The following THSD7A variants were observed in gnomAD, a reference collection of about 807,000 sequenced individuals.
THSD7A encodes the protein thrombospondin type 1 domain containing 7A.
THSD7A carries 96 observed loss-of-function variants against 231.3 expected under a neutral mutation model. That is an observed-to-expected ratio of 0.41 (90% confidence interval 0.35 to 0.49). The LOEUF (loss-of-function observed/expected upper bound fraction) is 0.49, where lower values mean the gene tolerates loss of function less well. Ranked by LOEUF, THSD7A falls within the 20% of genes least tolerant of loss-of-function variation. THSD7A has a pLI of 0.05. For missense variants in THSD7A, 2,290 were observed against 2,070.2 expected (o/e 1.11, Z -2.06); for synonymous variants, 940 against 743.3 (o/e 1.26, Z -4.30).
intron 18 of THSD7A, 102 bp downstream of exon 18, chr7:11,412,554 A>G (rs1783821019): frequency 1.5e-6 from 2 of 1,374,850 alleles, no homozygotes; most frequent in African/African-American, 1.4e-5. Flanking sequence ...AGCATATCCA[A>G]AAGGCACACA....
At chr7:11,568,617 T>C in intron 4 of THSD7A, among the ~76,000 whole-genome samples, 1 of 67,880 alleles carries the variant, frequency 1.5e-5, no homozygotes, top group African/African-American at 6.2e-5. Flanking sequence ...AGAGTGAAAC[T>C]CCGTCTCAAA....
intron 2 of THSD7A, among the ~76,000 whole-genome samples, chr7:11,631,841 C>G (rs1781666388): frequency 6.6e-6 from 1 of 152,104 alleles, no homozygotes; most frequent in Non-Finnish European, 1.5e-5. Context: ...GTCTGTTGGG[C>G]CTGGTGCAGG....
chr7:11,525,283 C>G (rs1217074070), intron 6 of THSD7A, among the ~76,000 whole-genome samples: 6 of 151,914 alleles, frequency 3.9e-5, no homozygotes, highest in African/African-American at 1.5e-4. Context: ...ATTCACCCTG[C>G]CAAGAAATAT....
chr7:11,513,727 C>G (rs989097727), intron 6 of THSD7A, among the ~76,000 whole-genome samples: 2 of 151,980 alleles, frequency 1.3e-5, no homozygotes, highest in African/African-American at 4.8e-5. Flanking sequence ...AGTGGTTGCA[C>G]AACATTATGG....
rs143078085 is a variant in THSD7A at position 11,675,029 on chromosome 7, C to T, written c.191-38068G>A. Reference sequence around the variant, plus strand: ...TCTGCTGCTCCCAGAGAGACCAACACGGAAGGTGGGTGATTTCTGCATTTC... The same window carrying T: ...TCTGCTGCTCCCAGAGAGACCAACATGGAAGGTGGGTGATTTCTGCATTTC... On this transcript the variant is annotated intron_variant, in intron 1 of 27. Transcript: ENST00000423059. Among the ~76,000 whole-genome samples, 858 of 152,134 alleles carry T rather than the reference C, an allele frequency of 5.6e-3. 8 individuals carry two copies. Among genetic ancestry groups the T allele is most frequent in the African/African-American group, 0.02 (819 of 41,520 alleles).
intron 2 of THSD7A, among the ~76,000 whole-genome samples, chr7:11,594,527 A>G (rs1780286361): frequency 6.6e-6 from 1 of 152,158 alleles, no homozygotes; most frequent in African/African-American, 2.4e-5. Context: ...TGCAAAATAA[A>G]TGCATTTGAC....
chr7:11,443,636 A>G (rs532030712), intron 13 of THSD7A, among the ~76,000 whole-genome samples: 6 of 152,002 alleles, frequency 3.9e-5, no homozygotes, highest in East Asian at 3.9e-4. Context: ...TTAAATATAC[A>G]CAATAAAATT....
At chr7:11,640,042 G>A (rs937684507) in intron 1 of THSD7A, among the ~76,000 whole-genome samples, 2 of 152,170 alleles carry the variant, frequency 1.3e-5, no homozygotes, top group African/African-American at 4.8e-5. Context: ...AAATTATGGA[G>A]AGCTCCCTTT....
intron 6 of THSD7A, among the ~76,000 whole-genome samples, chr7:11,541,022 T>C (rs368478071): frequency 7.2e-5 from 11 of 152,190 alleles, no homozygotes; most frequent in East Asian, 3.9e-4. Flanking sequence ...AATCAAACAA[T>C]GCTTACAACC....
chr7:11,768,785 A>G (rs759431169), intron 1 of THSD7A, among the ~76,000 whole-genome samples: 4 of 152,066 alleles, frequency 2.6e-5, no homozygotes, highest in Admixed American at 6.6e-5. Context: ...TTGAAGCCTT[A>G]TCTAAGAATA....
chr7:11,702,766 C>A (rs1002497613), intron 1 of THSD7A, among the ~76,000 whole-genome samples: 1 of 151,044 alleles, frequency 6.6e-6, no homozygotes, highest in Non-Finnish European at 1.5e-5. Context: ...ATATGAGTAC[C>A]TATCTTTGTG....
intron 10 of THSD7A, 69 bp from the exon 11 acceptor site, chr7:11,460,834 G>A: frequency 3.1e-6 from 4 of 1,270,964 alleles, no homozygotes; most frequent in South Asian, 2.6e-5. Flanking sequence ...AGACACAGCA[G>A]CATGGAAACA....
At chr7:11,604,820 T>C (rs1780681327) in intron 2 of THSD7A, among the ~76,000 whole-genome samples, 1 of 152,080 alleles carries the variant, frequency 6.6e-6, no homozygotes, top group Non-Finnish European at 1.5e-5. Flanking sequence ...TAGGCAGAAA[T>C]GTTGAGCAGA....
At chr7:11,525,271 A>C (rs1477186600) in intron 6 of THSD7A, among the ~76,000 whole-genome samples, 1 of 152,100 alleles carries the variant, frequency 6.6e-6, no homozygotes, top group Non-Finnish European at 1.5e-5. Flanking sequence ...GAAGTTATTT[A>C]AATTCACCCT....
At chr7:11,669,971 A>ATGTG (rs35769040) in intron 1 of THSD7A, among the ~76,000 whole-genome samples, 69 of 150,848 alleles carry the variant, frequency 4.6e-4, no homozygotes, top group African/African-American at 1.5e-3. Flanking sequence ...TGTTGCATTC[A>ATGTG]TGTGTGTGTG....
chr7:11,734,867 T>A (rs1462725639), intron 1 of THSD7A, among the ~76,000 whole-genome samples: 2 of 151,914 alleles, frequency 1.3e-5, no homozygotes, highest in Non-Finnish European at 2.9e-5. Context: ...CAATGCATTT[T>A]CCAGATGATT....
intron 17 of THSD7A, among the ~76,000 whole-genome samples, chr7:11,414,460 A>ATTAG (rs1783893181): frequency 2.0e-5 from 3 of 152,154 alleles, no homozygotes; most frequent in Admixed American, 6.5e-5. Context: ...CTCAACACAA[A>ATTAG]TTAGTTACTG....
At position 11,590,388 on chromosome 7, in the gene THSD7A, A is replaced by G; in HGVS notation, c.1453+72T>C. The G allele has an allele frequency of 6.6e-7, 1 of 1,506,794 alleles. No homozygotes were observed. Among genetic ancestry groups the G allele is most frequent in the Non-Finnish European group, 9.0e-7 (1 of 1,114,618 alleles). 93.3% of individuals were successfully genotyped at this position (1,506,794 alleles called of 1,614,324 possible). The stretch of plus-strand genomic sequence containing the variant: ...CCTCATAACCTGGATGGCTGTGTAT[A>G]TATCCCTTCAGAGCAATCACATGCT... On this transcript the variant is annotated intron_variant, in intron 4 of 27. Coordinates refer to ENST00000423059, the MANE Select transcript of THSD7A (RefSeq NM_015204.3). This position sits in a 1 kb window ranked among gnomAD's most constrained non-coding sequence, Gnocchi z 4.4.
At chr7:11,706,258 A>T (rs1190666992) in intron 1 of THSD7A, among the ~76,000 whole-genome samples, 1 of 150,878 alleles carries the variant, frequency 6.6e-6, no homozygotes, top group East Asian at 2.0e-4. Context: ...GTATTGTCCC[A>T]TGTCAACCCA....
Sources: gnomAD v4.1 joint callset for allele counts (sites outside exome capture counted in the v4.1 genomes callset) on GRCh38, gnomAD v4.1.1 for gene constraint, Gnocchi (gnomAD v3.1) non-coding constraint, MANE v1.5 for transcripts, NCBI Gene and HGNC (gene_info 2026-07-23, HGNC 2026-07-21) for gene names.